Variants in SIRPG observed in about 807,000 individuals in gnomAD.
SIRPG encodes signal regulatory protein gamma.
SIRPG carries 38 observed loss-of-function variants against 35.7 expected under a neutral mutation model. That is an observed-to-expected ratio of 1.06 (90% CI 0.82 to 1.40). SIRPG has a LOEUF of 1.40. SIRPG is among the 40% of genes most tolerant of loss of function. SIRPG has a pLI of 0.00. For synonymous variants in SIRPG, 215 were observed against 190.4 expected, an observed-to-expected ratio of 1.13 and a Z score of -1.06; for missense variants, 519 against 483.0, an observed-to-expected ratio of 1.07 and a Z score of -0.70.
At chr20:1,676,768 A>G in the SIRPG span, 1 of 215,256 alleles carries the variant, frequency 4.6e-6, no homozygotes, top group South Asian at 7.9e-5. Context: ...AGCTCCTCTG[A>G]ACCACTGGAC....
At chr20:1,658,605 G>A (rs1156997349), upstream of SIRPG, among the ~76,000 whole-genome samples, 3 of 152,138 alleles carry the variant, frequency 2.0e-5, no homozygotes, top group Admixed American at 6.5e-5. Context: ...TGGGGAAGTC[G>A]CTGGGCCCTC....
intron 2 of SIRPG, among the ~76,000 whole-genome samples, chr20:1,644,195 G>A (rs1218259785): frequency 1.3e-5 from 2 of 152,216 alleles, no homozygotes; most frequent in Non-Finnish European, 2.9e-5. Context: ...GCCAGACTAA[G>A]ACAGTGGCCA....
At chr20:1,634,510 T>C (rs2091776806) in intron 4 of SIRPG, among the ~76,000 whole-genome samples, 1 of 151,830 alleles carries the variant, frequency 6.6e-6, no homozygotes, top group South Asian at 2.1e-4. Context: ...CCTGGTACAG[T>C]TTTAAACTAC....
chr20:1,638,757 T>G (rs2091824939), intron 2 of SIRPG, among the ~76,000 whole-genome samples: 1 of 151,340 alleles, frequency 6.6e-6, no homozygotes, highest in Non-Finnish European at 1.5e-5. Flanking sequence ...GTCCTAATGC[T>G]CTCCTTCCCC....
At chr20:1,668,718 T>A in the SIRPG span, among the ~76,000 whole-genome samples, 1 of 152,160 alleles carries the variant, frequency 6.6e-6, no homozygotes, top group African/African-American at 2.4e-5. Context: ...TATGAGGAAA[T>A]TTTTGTTAAT....
the SIRPG span, among the ~76,000 whole-genome samples, chr20:1,664,252 G>A: frequency 1.3e-5 from 2 of 152,094 alleles, no homozygotes; most frequent in Non-Finnish European, 1.5e-5. Context: ...TTTCAACATG[G>A]GATTTAGAGA....
chr20:1,670,843 CA>C, the SIRPG span: 1 of 197,790 alleles, frequency 5.1e-6, no homozygotes, highest in Admixed American at 5.8e-5. Flanking sequence ...GCTTGGCAAC[CA>C]GATATGGGAT....
At chr20:1,668,369 G>T in the SIRPG span, among the ~76,000 whole-genome samples, 8 of 151,462 alleles carry the variant, frequency 5.3e-5, no homozygotes, top group Non-Finnish European at 8.8e-5. Context: ...TGCAACCTCT[G>T]CTTCTTGGGT....
intron 1 of SIRPG, among the ~76,000 whole-genome samples, chr20:1,653,073 A>C (rs1568738753): frequency 6.6e-6 from 1 of 152,250 alleles, no homozygotes; most frequent in Non-Finnish European, 1.5e-5. Flanking sequence ...ACATACAGAA[A>C]GTAGAAGAGC....
chr20:1,663,808 T>C, the SIRPG span, among the ~76,000 whole-genome samples: 1 of 152,262 alleles, frequency 6.6e-6, no homozygotes, highest in Non-Finnish European at 1.5e-5. Flanking sequence ...AAACAACTAG[T>C]GTTTCCATCC....
rs188643924 is a variant in SIRPG, at chr20:1,644,829, C to T, written c.430+4223G>A. Among the ~76,000 whole-genome samples the T allele has an allele frequency of 1.6e-4, 24 of 152,322 alleles. No homozygotes were observed. In the East Asian group the frequency reaches 4.3e-3, roughly 27 times the overall value. On this transcript the variant is annotated intron_variant, in intron 2 of 5. Coordinates refer to ENST00000303415, the MANE Select transcript of SIRPG (RefSeq NM_018556.4). ...TCCCTGCCCCACAGCTCTCAGGGGG[C>T]CTCTGCACCACACTGCTCTTCCTCT... is the stretch of plus-strand genomic sequence containing the variant.
intron 4 of SIRPG, among the ~76,000 whole-genome samples, chr20:1,634,783 C>T (rs1286926389): frequency 2.6e-5 from 4 of 152,016 alleles, no homozygotes; most frequent in Non-Finnish European, 5.9e-5. Context: ...GTGGCTCACG[C>T]CTGTAATCCC....
chr20:1,649,439 C>T, intron 1 of SIRPG, 31 bp from the exon 2 acceptor site: 1 of 1,552,590 alleles, frequency 6.4e-7, no homozygotes, highest in South Asian at 1.2e-5. Context: ...ATCATTTTTT[C>T]ATCCTTACAT....
chr20:1,680,780 A>C, the SIRPG span, among the ~76,000 whole-genome samples: 1 of 152,226 alleles, frequency 6.6e-6, no homozygotes, highest in African/African-American at 2.4e-5. Flanking sequence ...TAATCAATAA[A>C]AGGAATATAT....
At chr20:1,656,201 T>C (rs2091974450) in intron 1 of SIRPG, among the ~76,000 whole-genome samples, 1 of 152,192 alleles carries the variant, frequency 6.6e-6, no homozygotes, top group Admixed American at 6.5e-5. Context: ...TTTCTACACA[T>C]AGCATAACAT....
the SIRPG span, among the ~76,000 whole-genome samples, chr20:1,673,569 G>A: frequency 8.5e-5 from 13 of 152,052 alleles, no homozygotes. Context: ...AAGAGGAGCA[G>A]AAACACCGAG....
the SIRPG span, among the ~76,000 whole-genome samples, chr20:1,668,203 CTTTCTTTCTTTCTTTCTTTCT>C: frequency 4.0e-5 from 1 of 25,004 alleles, no homozygotes; most frequent in Non-Finnish European, 8.6e-5. Flanking sequence ...CTTTTCTTTT[CTTTCTTTCTTTCTTTCTTTCT>C]TTCTTTCTTT....
At chr20:1,666,616 G>C in the SIRPG span, 1 of 152,102 alleles carries the variant, frequency 6.6e-6, no homozygotes, top group East Asian at 1.9e-4. Flanking sequence ...CTCCAGCCTG[G>C]GCAACACAGT....
the SIRPG span, among the ~76,000 whole-genome samples, chr20:1,679,614 A>T: frequency 3.4e-4 from 52 of 152,224 alleles, 1 homozygote; most frequent in Middle Eastern, 3.4e-3. Flanking sequence ...CTCTCTGGGA[A>T]CTATGAGTAG....
Sources: gnomAD v4.1 joint callset for allele counts (sites outside exome capture counted in the v4.1 genomes callset) on GRCh38, gnomAD v4.1.1 for gene constraint, MANE v1.5 for transcripts, NCBI Gene and HGNC (gene_info 2026-07-23, HGNC 2026-07-21) for gene names.